The following L3MBTL4 variants were observed in gnomAD, a reference collection of about 807,000 sequenced individuals.
L3MBTL4 encodes lethal(3)malignant brain tumor-like protein 4.
In L3MBTL4, 70 loss-of-function variants were observed where a neutral mutation model predicts 84.5. That is an observed-to-expected ratio of 0.83 (90% CI 0.68 to 1.01). The LOEUF (loss-of-function observed/expected upper bound fraction) is 1.01, where lower values mean the gene tolerates loss of function less well. Among genes scored for constraint, L3MBTL4 ranks in the 50% least tolerant of loss-of-function variants. The pLI, the probability that L3MBTL4 is intolerant of heterozygous loss-of-function variation, is 0.00. For missense variants in L3MBTL4, 715 were observed against 754.8 expected, an observed-to-expected ratio of 0.95 and a Z score of 0.62; for synonymous variants, 274 against 259.8, an observed-to-expected ratio of 1.05 and a Z score of -0.52.
intron 12 of L3MBTL4, among the ~76,000 whole-genome samples, chr18:6,188,547 C>A (rs1405787751): frequency 2.0e-5 from 3 of 152,172 alleles, no homozygotes; most frequent in African/African-American, 7.2e-5. Flanking sequence ...AAAAGGAGGG[C>A]CCTTTCCTAA....
intron 1 of L3MBTL4, among the ~76,000 whole-genome samples, chr18:6,345,042 A>G (rs1277135685): frequency 6.6e-6 from 1 of 151,832 alleles, no homozygotes; most frequent in Non-Finnish European, 1.5e-5. Flanking sequence ...AAGAAGTAAA[A>G]TTGTCTGTCT....
chr18:6,332,282 G>C (rs369732685), intron 1 of L3MBTL4, among the ~76,000 whole-genome samples: 15 of 152,300 alleles, frequency 9.8e-5, no homozygotes, highest in African/African-American at 3.6e-4. Flanking sequence ...CCTCCTCTTG[G>C]TTAAAATAAG....
intron 14 of L3MBTL4, among the ~76,000 whole-genome samples, chr18:6,100,097 G>A (rs1598745991): frequency 1.3e-5 from 2 of 152,052 alleles, no homozygotes; most frequent in Non-Finnish European, 2.9e-5. Context: ...AAAGCTACTC[G>A]CTCTATAACC....
chr18:6,092,027 C>A (rs1418765745), intron 15 of L3MBTL4, among the ~76,000 whole-genome samples: 1 of 152,090 alleles, frequency 6.6e-6, no homozygotes, highest in Non-Finnish European at 1.5e-5. Flanking sequence ...CAGTAAAGAA[C>A]AACGAGACCC....
intron 12 of L3MBTL4, among the ~76,000 whole-genome samples, chr18:6,201,614 T>C (rs1168853117): frequency 6.6e-6 from 1 of 152,074 alleles, no homozygotes; most frequent in East Asian, 1.9e-4. Context: ...TATGTGAGAA[T>C]AGACAAAAAT....
At chr18:6,367,558 T>A (rs990793353) in intron 1 of L3MBTL4, 2 of 152,304 alleles carry the variant, frequency 1.3e-5, no homozygotes, top group Non-Finnish European at 2.9e-5. Flanking sequence ...ACGCTGCACC[T>A]GCTCTCAAAA....
chr18:6,231,016 T>A (rs1343178329), intron 10 of L3MBTL4, among the ~76,000 whole-genome samples: 1 of 152,086 alleles, frequency 6.6e-6, no homozygotes, highest in Non-Finnish European at 1.5e-5. Flanking sequence ...ATATTTTCTC[T>A]CATTCTGTAG....
chr18:6,109,757 C>A (rs543880421), intron 14 of L3MBTL4, among the ~76,000 whole-genome samples: 1 of 152,290 alleles, frequency 6.6e-6, no homozygotes, highest in African/African-American at 2.4e-5. Context: ...TGCAGAGGAT[C>A]CCTAACAACT....
intron 14 of L3MBTL4, among the ~76,000 whole-genome samples, chr18:6,115,566 T>C (rs1471878877): frequency 1.3e-5 from 2 of 152,190 alleles, no homozygotes; most frequent in Non-Finnish European, 2.9e-5. Context: ...TACAAGGCGA[T>C]GCTCATTGGA....
intron 1 of L3MBTL4, among the ~76,000 whole-genome samples, chr18:6,317,420 A>G (rs1034628078): frequency 6.6e-6 from 1 of 152,190 alleles, no homozygotes; most frequent in East Asian, 1.9e-4. Context: ...ACCAATCAGA[A>G]CATCTGGAAA....
chr18:5,990,038 C>T (rs1299530173), intron 16 of L3MBTL4, among the ~76,000 whole-genome samples: 2 of 152,156 alleles, frequency 1.3e-5, no homozygotes, highest in African/African-American at 2.4e-5. Flanking sequence ...CCCTAAGAGT[C>T]CATCCTCAAG....
intron 1 of L3MBTL4, among the ~76,000 whole-genome samples, chr18:6,319,957 T>A (rs116026006): frequency 0.044 from 6,633 of 151,982 alleles, 484 homozygotes; most frequent in African/African-American, 0.15. Context: ...AACAAGTGGG[T>A]TTTATTCCAG....
intron 16 of L3MBTL4, among the ~76,000 whole-genome samples, chr18:6,050,588 A>G (rs2056802412): frequency 6.6e-6 from 1 of 152,186 alleles, no homozygotes; most frequent in African/African-American, 2.4e-5. Context: ...AATGCCTAAT[A>G]TTTTCCAAAA....
chr18:6,160,863 A>T (rs1237767915), intron 13 of L3MBTL4, among the ~76,000 whole-genome samples: 1 of 152,132 alleles, frequency 6.6e-6, no homozygotes, highest in Non-Finnish European at 1.5e-5. Flanking sequence ...AAAACTGGAC[A>T]TCCCATTGTC....
intron 13 of L3MBTL4, among the ~76,000 whole-genome samples, chr18:6,150,276 A>T (rs185439039): frequency 6.6e-6 from 1 of 152,170 alleles, no homozygotes; most frequent in African/African-American, 2.4e-5. Context: ...TCATTTTTCC[A>T]ATAACCTGAA....
chr18:6,058,608 C>A, intron 16 of L3MBTL4, among the ~76,000 whole-genome samples: 1 of 152,084 alleles, frequency 6.6e-6, no homozygotes, highest in East Asian at 1.9e-4. Context: ...GGTAAAGGTT[C>A]TTTGCTCTGG....
chr18:6,098,746 CAATT>C lies in L3MBTL4; in HGVS notation c.1200-5222_1200-5219del, dbSNP rs1205793741. Among the ~76,000 whole-genome samples the C allele has an allele frequency of 2.6e-5, 4 of 152,144 alleles. No individual in the cohort carries two copies. In the South Asian group the frequency reaches 8.3e-4, roughly 32 times the overall value. ...CCTAGAGTATTTTATAGTTTAGTCT[CAATT>C]ATTTTGCTAACCAATTATATTATTT... On this transcript the variant is annotated intron_variant, in intron 14 of 18. Transcript: ENST00000317931.
intron 16 of L3MBTL4, among the ~76,000 whole-genome samples, chr18:6,060,735 T>A (rs905173345): frequency 6.6e-6 from 1 of 152,210 alleles, no homozygotes; most frequent in Non-Finnish European, 1.5e-5. Flanking sequence ...CATATTCAAG[T>A]ATATTGCATA....
chr18:6,322,321 G>C (rs185978452), intron 1 of L3MBTL4, among the ~76,000 whole-genome samples: 126 of 151,574 alleles, frequency 8.3e-4, no homozygotes, highest in Non-Finnish European at 1.2e-3. Flanking sequence ...CTGGGTGACA[G>C]AGTGAGACCC....
Sources: gnomAD v4.1 joint callset for allele counts (sites outside exome capture counted in the v4.1 genomes callset) on GRCh38, gnomAD v4.1.1 for gene constraint, MANE v1.5 for transcripts, NCBI Gene and HGNC (gene_info 2026-07-23, HGNC 2026-07-21) for gene names.